The following DNASE2B variants were observed in gnomAD, a reference collection of about 807,000 sequenced individuals.
DNASE2B encodes the protein deoxyribonuclease-2-beta.
DNASE2B carries 43 observed loss-of-function variants against 46.0 expected under a neutral mutation model. That is an observed-to-expected ratio of 0.94 (90% CI 0.73 to 1.21). The LOEUF is 1.21. DNASE2B is among the 50% of genes most tolerant of loss of function. DNASE2B has a pLI of 0.00. For missense variants in DNASE2B, 395 were observed against 414.4 expected (o/e 0.95, Z 0.41); for synonymous variants, 156 against 152.5 (o/e 1.02, Z -0.17).
Position 84,412,530 on chromosome 1 carries a change from G to A in DNASE2B, c.729G>A (p.Ser243=), listed in dbSNP as rs773317220. ...AAAAATTCCTCCATTTTGCAAAGTC[G>A]GATTCTTTTCTTGACGGTATGAAAG... ...QGQKFLHFAK[S]DSFLDDIFAA... Residue 243 remains serine, a synonymous_variant, in exon 5 of 6, where the codon TCG becomes TCA. Transcript: ENST00000370665. The A allele has an allele frequency of 9.3e-6, 15 of 1,609,394 alleles. No homozygotes were observed. Among genetic ancestry groups the A allele is most frequent in the Admixed American group, 6.7e-5 (4 of 59,426 alleles).
At chr1:84,402,152 T>A in intron 2 of DNASE2B, 74 bp downstream of exon 2, 1 of 1,456,148 alleles carries the variant, frequency 6.9e-7, no homozygotes, top group South Asian at 1.4e-5. Flanking sequence ...TTCACCAGAG[T>A]TTTCTGTTCA....
intron 1 of DNASE2B, among the ~76,000 whole-genome samples, chr1:84,401,184 C>T (rs1680397004): frequency 6.6e-6 from 1 of 152,138 alleles, no homozygotes; most frequent in Admixed American, 6.6e-5. Context: ...ATTGTCACAA[C>T]TTGGCAGTGC....
At chr1:84,406,821 C>T (rs919526287) in intron 2 of DNASE2B, among the ~76,000 whole-genome samples, 5 of 152,154 alleles carry the variant, frequency 3.3e-5, no homozygotes, top group African/African-American at 1.2e-4. Context: ...AAGATTAGAC[C>T]AACTGGTTTA....
chr1:84,402,050 A>G lies in DNASE2B; in HGVS notation c.275A>G (p.Gln92Arg). The change falls in exon 2 of 6, where the codon CAA (glutamine) becomes CGA (arginine). Residue 92 changes from glutamine (Q) to arginine (R), a missense_variant. Transcript: ENST00000370665. ...DTKSVLGRTL[Q>R]QLYEAYASKS... ...AAGAGTGTTTTGGGAAGGACATTAC[A>G]ACAGCTATATGAAGCATATGCCTCT... 6.2e-7 allele frequency: 1 copy of G among 1,607,334 alleles called. No homozygotes were observed. Among genetic ancestry groups the G allele is most frequent in the Non-Finnish European group, 8.5e-7 (1 of 1,177,974 alleles).
At position 84,413,990 on chromosome 1, in the gene DNASE2B, G is replaced by T. The variant is rs540121764; in HGVS notation, c.746-538G>T. The stretch of plus-strand genomic sequence containing the variant: ...TTTGCCACTGCCATGGGTCACACCT[G>T]TGTTTATTGACACAGTTATTATGAC... On this transcript the variant is annotated intron_variant, in intron 5 of 5. Transcript: ENST00000370665. 2.0e-5 allele frequency among the ~76,000 whole-genome samples: 3 copies of T among 152,258 alleles called. No homozygotes were observed. The South Asian group carries it at 6.2e-4, about 32-fold the overall frequency.
intron 2 of DNASE2B, among the ~76,000 whole-genome samples, chr1:84,404,564 G>T (rs1288366485): frequency 6.6e-6 from 1 of 152,174 alleles, no homozygotes; most frequent in African/African-American, 2.4e-5. Context: ...TTATGAACCT[G>T]ATTTAGAGGC....
Position 84,401,990 on chromosome 1 carries a change from G to A in DNASE2B, c.215G>A (p.Ser72Asn). The change falls in exon 2 of 6, where the codon AGC becomes AAC. Residue 72 changes from serine (S) to asparagine (N), a missense_variant. Transcript: ENST00000370665. ...EYLYLDSTTR[S>N]WRKSEQLMND... ...CTGTACCTAGACTCTACAACTAGAAGCTGGAGGAAGAGTGAGCAACTAATG... is the reference window on the plus strand; with the variant it reads ...CTGTACCTAGACTCTACAACTAGAAACTGGAGGAAGAGTGAGCAACTAATG... The A allele has an allele frequency of 1.2e-6, 2 of 1,609,044 alleles. No homozygotes were observed. Among genetic ancestry groups the A allele is most frequent in the Non-Finnish European group, 1.7e-6 (2 of 1,178,278 alleles).
intron 2 of DNASE2B, among the ~76,000 whole-genome samples, chr1:84,403,435 GAAGA>G (rs1680453190): frequency 6.6e-6 from 1 of 152,074 alleles, no homozygotes; most frequent in South Asian, 2.1e-4. Context: ...AATCATTAAG[GAAGA>G]GAGAATATAT....
Position 84,407,606 on chromosome 1 carries a change from A to AT in DNASE2B, c.304-824dup, listed in dbSNP as rs544631158. On this transcript the variant is annotated intron_variant, in intron 2 of 5. Transcript: ENST00000370665. Reference sequence around the variant, plus strand: ...TCCTGCTTTTAATTATGTCACTCAGATTTTTTTAATATTGACATTATTGGC... The same window carrying AT: ...TCCTGCTTTTAATTATGTCACTCAGATTTTTTTTAATATTGACATTATTGGC... Among the ~76,000 whole-genome samples, 302 of 152,234 alleles carry AT rather than the reference A, an allele frequency of 2.0e-3. 1 individual carries two copies. The highest frequency in any genetic ancestry group is 6.9e-3 in the African/African-American group (288 of 41,548).
intron 2 of DNASE2B, among the ~76,000 whole-genome samples, chr1:84,405,329 A>G (rs1373619690): frequency 1.3e-5 from 2 of 152,326 alleles, no homozygotes; most frequent in South Asian, 2.1e-4. Context: ...TATGAGCTAT[A>G]AAAGTATTTT....
intron 1 of DNASE2B, among the ~76,000 whole-genome samples, chr1:84,401,407 A>C (rs533490373): frequency 6.6e-6 from 1 of 152,352 alleles, no homozygotes; most frequent in African/African-American, 2.4e-5. Flanking sequence ...CAGTAAAGGA[A>C]GGAAAGGGCC....
Position 84,414,730 on chromosome 1 carries a change from A to G in DNASE2B, c.948A>G (p.Lys316=). ...AKWCISQKGT[K]NRWTCIGDLN... Reference sequence around the variant, plus strand: ...GGTGTATTTCCCAAAAGGGCACCAAAAATCGCTGGACATGTATTGGAGACC... The same window carrying G: ...GGTGTATTTCCCAAAAGGGCACCAAGAATCGCTGGACATGTATTGGAGACC... The change falls in exon 6 of 6, where the codon AAA becomes AAG. Residue 316 remains lysine, a synonymous_variant. Transcript: ENST00000370665. The G allele has an allele frequency of 6.2e-7, 1 of 1,614,206 alleles. No homozygotes were observed. The highest frequency in any genetic ancestry group is 8.5e-7 in the Non-Finnish European group (1 of 1,180,030).
intron 5 of DNASE2B, among the ~76,000 whole-genome samples, chr1:84,413,762 T>C (rs956414184): frequency 1.3e-5 from 2 of 152,220 alleles, no homozygotes; most frequent in East Asian, 1.9e-4. Flanking sequence ...ACATTTCTAC[T>C]TGAAGGTGGT....
At chr1:84,400,993 C>T (rs1473642345) in intron 1 of DNASE2B, among the ~76,000 whole-genome samples, 1 of 151,980 alleles carries the variant, frequency 6.6e-6, no homozygotes, top group South Asian at 2.1e-4. Flanking sequence ...GCAGCTTTTA[C>T]GGGTTTGTGA....
At chr1:84,412,298 T>C (rs562620343) in intron 4 of DNASE2B, 51 bp from the exon 5 acceptor site, 3 of 1,402,420 alleles carry the variant, frequency 2.1e-6, no homozygotes, top group African/African-American at 1.4e-5. Context: ...ACAGCAGGTA[T>C]TTCCATTTGT....
intron 2 of DNASE2B, among the ~76,000 whole-genome samples, chr1:84,405,676 T>C (rs1282037202): frequency 6.6e-6 from 1 of 152,200 alleles, no homozygotes; most frequent in Non-Finnish European, 1.5e-5. Context: ...AGTATGCAAT[T>C]TACTGGAGAG....
intron 2 of DNASE2B, among the ~76,000 whole-genome samples, chr1:84,407,326 T>C (rs756902083): frequency 3.9e-5 from 6 of 152,160 alleles, no homozygotes; most frequent in Non-Finnish European, 8.8e-5. Flanking sequence ...TAACTAACTC[T>C]TCAGAGTTCT....
Position 84,408,533 on chromosome 1 carries a change from C to A in DNASE2B, c.385+15C>A, listed in dbSNP as rs1176787728. On this transcript the variant is annotated intron_variant, in intron 3 of 5. Coordinates refer to ENST00000370665, the MANE Select transcript of DNASE2B (RefSeq NM_021233.3). Reference sequence around the variant, plus strand: ...ACACACCAAAGGTATGACAAAGATTCTTGGTTTCTCTTTCCTACTGGAAAT... The same window carrying A: ...ACACACCAAAGGTATGACAAAGATTATTGGTTTCTCTTTCCTACTGGAAAT... 6 of 1,600,462 alleles carry A rather than the reference C, an allele frequency of 3.7e-6. No homozygotes were observed. The highest frequency in any genetic ancestry group is 4.5e-5 in the East Asian group (2 of 44,490).
Position 84,412,407 on chromosome 1 carries a change from T to G in DNASE2B, c.606T>G (p.Phe202Leu). The stretch of plus-strand genomic sequence containing the variant: ...ATAGCTGCTCCATCCCAGCCACCTT[T>G]CACCAGGAGCTCATTCACATGCCCC... The part of the protein sequence containing the change: ...NVYSCSIPAT[F>L]HQELIHMPQL... Residue 202 changes from phenylalanine (F) to leucine (L), a missense_variant, in exon 5 of 6, where the codon TTT becomes TTG. Coordinates refer to ENST00000370665, the MANE Select transcript of DNASE2B (RefSeq NM_021233.3). 6.2e-7 allele frequency: 1 copy of G among 1,613,004 alleles called. No individual in the cohort carries two copies. The highest frequency in any genetic ancestry group is 8.5e-7 in the Non-Finnish European group (1 of 1,179,388).
Sources: allele counts gnomAD v4.1 joint callset (sites outside exome capture counted in the v4.1 genomes callset), GRCh38; gene constraint gnomAD v4.1.1; transcripts MANE v1.5; gene names NCBI Gene and HGNC (gene_info 2026-07-23, HGNC 2026-07-21).